GLYR1: variants seen among roughly 807,000 people sequenced by gnomAD.
The protein encoded by GLYR1 is glyoxylate reductase 1 homolog.
GLYR1 carries 21 observed loss-of-function variants against 72.7 expected under a neutral mutation model. The ratio of observed to expected loss-of-function variants is 0.29; its 90% CI spans 0.20 to 0.42. The LOEUF (loss-of-function observed/expected upper bound fraction) is 0.42, where lower values mean the gene tolerates loss of function less well. GLYR1 is among the 10% of genes least tolerant of loss of function. The pLI, the probability that GLYR1 is intolerant of heterozygous loss-of-function variation, is 1.00. For synonymous variants in GLYR1, 392 were observed against 270.2 expected (o/e 1.45, Z -4.42); for missense variants, 594 against 712.1 (o/e 0.83, Z 1.89).
chr16:4,816,038 G>A (rs757172167), intron 10 of GLYR1, among the ~76,000 whole-genome samples: 2 of 152,014 alleles, frequency 1.3e-5, no homozygotes, highest in Non-Finnish European at 1.5e-5. Context: ...CAAAGTGCTG[G>A]GATTATAGGC....
chr16:4,846,286 T>C, intron 1 of GLYR1, 76 bp from the exon 2 acceptor site: 1 of 1,491,990 alleles, frequency 6.7e-7, no homozygotes, highest in Non-Finnish European at 9.4e-7. Flanking sequence ...AATACGCAAT[T>C]TATTTTCCTA....
intron 4 of GLYR1, 24 bp from the exon 5 acceptor site, chr16:4,832,245 A>T (rs1320073213): frequency 6.2e-7 from 1 of 1,612,568 alleles, no homozygotes. Context: ...AATAATAATG[A>T]TAACTACCAC....
chr16:4,830,621 C>T (rs759528957), intron 5 of GLYR1, among the ~76,000 whole-genome samples: 6 of 152,180 alleles, frequency 3.9e-5, no homozygotes, highest in Non-Finnish European at 5.9e-5. Context: ...ATCATGGCCT[C>T]GTCACCCAAC....
At chr16:4,826,959 G>C (rs914140856) in intron 5 of GLYR1, among the ~76,000 whole-genome samples, 10 of 152,172 alleles carry the variant, frequency 6.6e-5, no homozygotes, top group African/African-American at 2.4e-4. Flanking sequence ...TCTGCTCCTC[G>C]TGTGAGTATG....
chr16:4,844,930 T>G, intron 3 of GLYR1, 144 bp downstream of exon 3: 2 of 626,480 alleles, frequency 3.2e-6, no homozygotes, highest in Non-Finnish European at 5.6e-6. Flanking sequence ...CACCTTTATT[T>G]AGGTATGAAG....
At position 4,817,668 on chromosome 16, in the gene GLYR1, C is replaced by T; in HGVS notation, c.836G>A (p.Gly279Glu). ...TAGCAAGTTGGAGACGATTCCACTT[C>T]CCATGAGACCAAGGCCCAAAAATCC... ...KIGFLGLGLM[G>E]SGIVSNLLKM... Residue 279 changes from glycine to glutamate, a missense_variant, in exon 10 of 16, where the codon GGA (glycine) becomes GAA (glutamate). This residue lies in a region of GLYR1 where 266 missense variants were observed against 358.4 expected (regional missense o/e 0.74). Transcript: ENST00000321919. 4 of 1,613,206 alleles carry T rather than the reference C, an allele frequency of 2.5e-6. No individual in the cohort carries two copies. The highest frequency in any genetic ancestry group is 3.4e-6 in the Non-Finnish European group (4 of 1,179,194).
chr16:4,821,464 G>T lies in GLYR1; in HGVS notation c.733-11C>A. 1 of 1,614,110 alleles carries T rather than the reference G, an allele frequency of 6.2e-7. No individual in the cohort carries two copies. The highest frequency in any genetic ancestry group is 1.7e-4 in the Middle Eastern group (1 of 5,958). On this transcript the variant is annotated splice_polypyrimidine_tract_variant and intron_variant, in intron 8 of 15. Coordinates refer to ENST00000321919, the MANE Select transcript of GLYR1 (RefSeq NM_032569.4). ...GGTGGAGCCAGTTTCCTACGGACAG[G>T]AAGCACACATCATCAAGTCAGTCTG...
chr16:4,840,942 G>A (rs1194705551), intron 3 of GLYR1, among the ~76,000 whole-genome samples: 1 of 152,182 alleles, frequency 6.6e-6, no homozygotes, highest in Non-Finnish European at 1.5e-5. Flanking sequence ...GAGAAGTACT[G>A]TACATCTTTA....
chr16:4,846,270 C>T, intron 1 of GLYR1, 60 bp from the exon 2 acceptor site: 2 of 1,535,950 alleles, frequency 1.3e-6, no homozygotes, highest in Non-Finnish European at 1.8e-6. Context: ...CTCCTTCAAC[C>T]CACTCAATAC....
intron 5 of GLYR1, among the ~76,000 whole-genome samples, chr16:4,825,550 G>T (rs775115307): frequency 2.0e-4 from 30 of 152,154 alleles, no homozygotes; most frequent in Non-Finnish European, 4.0e-4. Context: ...GAGAACAAAT[G>T]CCTTCATAGG....
chr16:4,846,347 C>A (rs1596446162), intron 1 of GLYR1, 137 bp from the exon 2 acceptor site: 2 of 917,224 alleles, frequency 2.2e-6, no homozygotes, highest in East Asian at 4.9e-5. Context: ...CATAGCTGGG[C>A]CCAACACCCT....
Position 4,811,311 on chromosome 16 carries a change from A to G in GLYR1, c.1463-17T>C, listed in dbSNP as rs756627551. The G allele has an allele frequency of 1.2e-6, 2 of 1,612,816 alleles. No homozygotes were observed. Among genetic ancestry groups the G allele is most frequent in the East Asian group, 2.2e-5 (1 of 44,880 alleles). ...GCAGGATATCTGAGGAGAAAAAGCC[A>G]GTATCAGACAAAAGCCAAGGACCTG... On this transcript the variant is annotated splice_polypyrimidine_tract_variant and intron_variant, in intron 14 of 15. Coordinates refer to ENST00000321919, the MANE Select transcript of GLYR1 (RefSeq NM_032569.4).
At chr16:4,829,991 A>G (rs1422403876) in intron 5 of GLYR1, among the ~76,000 whole-genome samples, 1 of 151,622 alleles carries the variant, frequency 6.6e-6, no homozygotes, top group Non-Finnish European at 1.5e-5. Context: ...TTTAATAGAG[A>G]TGGGGTTTCC....
At chr16:4,821,208 C>G in intron 9 of GLYR1, 172 bp downstream of exon 9, 1 of 682,762 alleles carries the variant, frequency 1.5e-6, no homozygotes, top group Non-Finnish European at 2.5e-6. Context: ...CACAGATTTA[C>G]ACAGCTTTTG....
intron 3 of GLYR1, among the ~76,000 whole-genome samples, chr16:4,841,666 CA>C: frequency 6.6e-6 from 1 of 151,562 alleles, no homozygotes; most frequent in African/African-American, 2.4e-5. Flanking sequence ...ACAACAACAA[CA>C]ACAACAACAA....
At chr16:4,834,830 G>A (rs1402373396) in intron 3 of GLYR1, among the ~76,000 whole-genome samples, 4 of 152,140 alleles carry the variant, frequency 2.6e-5, no homozygotes, top group African/African-American at 9.6e-5. Flanking sequence ...CCAATCTGCT[G>A]GGAGGAAAAG....
At chr16:4,807,103 G>C (rs2083032481) in intron 15 of GLYR1, among the ~76,000 whole-genome samples, 2 of 139,616 alleles carry the variant, frequency 1.4e-5, no homozygotes, top group African/African-American at 5.3e-5. Flanking sequence ...ACTGCGCCTG[G>C]CCCCTTTTTT....
At chr16:4,839,114 G>A (rs2085359113) in intron 3 of GLYR1, 1 of 152,458 alleles carries the variant, frequency 6.6e-6, no homozygotes, top group Non-Finnish European at 1.5e-5. Flanking sequence ...GTGAAGCTAA[G>A]AGAAAGAGAA....
chr16:4,811,479 C>T, intron 14 of GLYR1, 144 bp downstream of exon 14: 1 of 1,256,068 alleles, frequency 8.0e-7, no homozygotes, highest in Non-Finnish European at 1.1e-6. Flanking sequence ...TCCCCAAATC[C>T]CGCCCACTGT....
Sources: allele counts gnomAD v4.1 joint callset (sites outside exome capture counted in the v4.1 genomes callset), GRCh38; gene constraint gnomAD v4.1.1; regional missense constraint gnomAD v4.1.1; transcripts MANE v1.5; gene names NCBI Gene and HGNC (gene_info 2026-07-23, HGNC 2026-07-21).